Variants in TNFRSF1B observed in about 807,000 individuals in gnomAD.
TNFRSF1B encodes TNF receptor superfamily member 1B, also known as tumor necrosis factor receptor superfamily member 1B.
TNFRSF1B carries 19 observed loss-of-function variants against 44.6 expected under a neutral mutation model. The ratio of observed to expected loss-of-function variants is 0.43; its 90% CI spans 0.30 to 0.62. The LOEUF (loss-of-function observed/expected upper bound fraction) is 0.62. TNFRSF1B is among the 20% of genes least tolerant of loss of function. The pLI is 0.16. For synonymous variants in TNFRSF1B, 252 were observed against 261.1 expected (o/e 0.97, Z 0.34); for missense variants, 541 against 619.9 (o/e 0.87, Z 1.35).
chr1:12,176,659 T>C (rs182894233), intron 1 of TNFRSF1B, among the ~76,000 whole-genome samples: 64 of 152,276 alleles, frequency 4.2e-4, no homozygotes, highest in African/African-American at 1.4e-3. Context: ...GTTGGGGCAG[T>C]GGGGAGCCAT....
chr1:12,195,794 A>C (rs1439315416), intron 8 of TNFRSF1B, among the ~76,000 whole-genome samples: 1 of 152,060 alleles, frequency 6.6e-6, no homozygotes, highest in Non-Finnish European at 1.5e-5. Flanking sequence ...TTTTTTACCC[A>C]ATTTGACAGA....
intron 8 of TNFRSF1B, among the ~76,000 whole-genome samples, chr1:12,195,201 C>T (rs181638344): frequency 1.3e-5 from 2 of 152,292 alleles, no homozygotes; most frequent in East Asian, 1.9e-4. Flanking sequence ...GTAGGGCCTG[C>T]GAAGGCTTTT....
At chr1:12,192,722 G>A in intron 5 of TNFRSF1B, 141 bp from the exon 6 acceptor site, 2 of 855,574 alleles carry the variant, frequency 2.3e-6, no homozygotes, top group South Asian at 3.3e-5. Context: ...GGGAGGTGGG[G>A]GAGGGCTAGG....
intron 1 of TNFRSF1B, among the ~76,000 whole-genome samples, chr1:12,183,826 C>CCTATCTATCTATCTATCTATCTAT (rs111395466): frequency 1.9e-4 from 24 of 124,452 alleles, no homozygotes; most frequent in African/African-American, 6.2e-4. Flanking sequence ...ATTCTATCTA[C>CCTATCTATCTATCTATCTATCTAT]CTATCTATCT....
At position 12,202,145 on chromosome 1, in the gene TNFRSF1B, AG is replaced by A; in HGVS notation, c.1081del (p.Ala361ProfsTer25). 6.4e-7 allele frequency: 1 copy of A among 1,553,842 alleles called. No homozygotes were observed. The highest frequency in any genetic ancestry group is 8.7e-7 in the Non-Finnish European group (1 of 1,149,732). On this transcript the variant is annotated frameshift_variant, in exon 9 of 10. Transcript: ENST00000376259. LOFTEE classifies it low-confidence loss of function (END_TRUNC). ...APGVEASGAGEARASTGSSDS... is the reference protein window; with the variant it reads ...APGVEASGAGXARASTGSSDS... ...GGCGTGGAGGCCAGTGGGGCCGGGG[AG>A]GCCCGGGCCAGCACCGGGAGCTCAG...
rs545565721 is a variant in TNFRSF1B, at chr1:12,169,617, G to T, written c.78+2448G>T. 5.3e-5 allele frequency among the ~76,000 whole-genome samples: 8 copies of T among 152,378 alleles called. No homozygotes were observed. Among genetic ancestry groups the T allele is most frequent in the African/African-American group, 1.9e-4 (8 of 41,586 alleles). ...GATGGAAGTCAACTGAGCTGCAGAA[G>T]AAGCCCCCAGGAGACCTGAGCTAGC... On this transcript the variant is annotated intron_variant, in intron 1 of 9. Transcript: ENST00000376259. The surrounding 1 kb of genome is among the most constrained non-coding windows in gnomAD (Gnocchi z 4.5).
intron 6 of TNFRSF1B, among the ~76,000 whole-genome samples, chr1:12,193,671 G>GAGCC (rs1363764818): frequency 6.6e-6 from 1 of 152,190 alleles, no homozygotes; most frequent in Non-Finnish European, 1.5e-5. Context: ...TGTTTCTGAT[G>GAGCC]AGCCCATTAG....
chr1:12,207,038 G>A lies in TNFRSF1B; in HGVS notation c.*18G>A. 6.4e-7 allele frequency: 1 copy of A among 1,554,226 alleles called. No individual in the cohort carries two copies. Among genetic ancestry groups the A allele is most frequent in the South Asian group, 1.2e-5 (1 of 83,340 alleles). On this transcript the variant is annotated 3_prime_UTR_variant, in exon 10 of 10. Coordinates refer to ENST00000376259, the MANE Select transcript of TNFRSF1B (RefSeq NM_001066.3). The stretch of plus-strand genomic sequence containing the variant: ...CCAGTTAACCAGGCCGGTGTGGGCT[G>A]TGTCGTAGCCAAGGTGGGCTGAGCC...
At chr1:12,198,038 C>G (rs916037194) in intron 8 of TNFRSF1B, among the ~76,000 whole-genome samples, 1 of 149,652 alleles carries the variant, frequency 6.7e-6, no homozygotes, top group African/African-American at 2.5e-5. Flanking sequence ...GGCAGAATAG[C>G]GTGAACCCGG....
In TNFRSF1B at chr1:12,191,800, C is replaced by G; in HGVS notation, c.334C>G (p.Arg112Gly). 6.2e-7 allele frequency: 1 copy of G among 1,613,538 alleles called. No individual in the cohort carries two copies. The highest frequency in any genetic ancestry group is 8.5e-7 in the Non-Finnish European group (1 of 1,179,800). ...CCAGGTGGAAACTCAAGCCTGCACTCGGGAACAGAACCGCATCTGCACCTG... is the reference window on the plus strand; with the variant it reads ...CCAGGTGGAAACTCAAGCCTGCACTGGGGAACAGAACCGCATCTGCACCTG... The part of the protein sequence containing the change: ...SDQVETQACT[R>G]EQNRICTCRP... Residue 112 changes from arginine (R) to glycine (G), a missense_variant, in exon 4 of 10, where the codon CGG (arginine) becomes GGG (glycine). Physicochemically the swap from Arg to Gly is moderately radical, Grantham distance 125 (BLOSUM62 -2). Transcript: ENST00000376259.
intron 8 of TNFRSF1B, among the ~76,000 whole-genome samples, chr1:12,195,625 C>T (rs1440435579): frequency 2.0e-5 from 3 of 152,142 alleles, no homozygotes; most frequent in Non-Finnish European, 4.4e-5. Flanking sequence ...CAGACAGTGT[C>T]ACATGACCAC....
intron 1 of TNFRSF1B, among the ~76,000 whole-genome samples, chr1:12,172,901 T>C (rs762629186): frequency 2.6e-5 from 4 of 152,220 alleles, no homozygotes; most frequent in Non-Finnish European, 5.9e-5. Context: ...GTTTGCAAGA[T>C]GGGCACGGGA....
rs1557620028 is a variant in TNFRSF1B at position 12,167,064 on chromosome 1, AG to A, written c.-23del. 4.7e-6 allele frequency: 6 copies of A among 1,281,534 alleles called. No homozygotes were observed. Among genetic ancestry groups the A allele is most frequent in the South Asian group, 2.3e-5 (1 of 43,550 alleles). The allele number at this position is 1,281,534 out of a possible 1,614,324, so 79.4% of individuals were successfully genotyped here. On this transcript the variant is annotated 5_prime_UTR_variant, in exon 1 of 10. Transcript: ENST00000376259. Reference sequence around the variant, plus strand: ...TGCGAGGGCGCGAGGGCGCGAGGGCAGGGGGCAACCGGACCCCGCCCGCACC... The same window carrying A: ...TGCGAGGGCGCGAGGGCGCGAGGGCAGGGGCAACCGGACCCCGCCCGCACC...
chr1:12,204,286 C>T (rs1639454090), intron 9 of TNFRSF1B, among the ~76,000 whole-genome samples: 1 of 152,200 alleles, frequency 6.6e-6, no homozygotes, highest in Non-Finnish European at 1.5e-5. Context: ...CGCAATGTCT[C>T]ATGCTCGATA....
intron 9 of TNFRSF1B, among the ~76,000 whole-genome samples, chr1:12,206,147 C>A (rs773528465): frequency 2.0e-5 from 3 of 151,996 alleles, no homozygotes; most frequent in East Asian, 1.9e-4. Flanking sequence ...CAGCGCTTTG[C>A]GAGGCTGAGG....
chr1:12,207,142 A>G lies in TNFRSF1B; in HGVS notation c.*122A>G, dbSNP rs1000919433. On this transcript the variant is annotated 3_prime_UTR_variant, in exon 10 of 10. Transcript: ENST00000376259. ...GGACTCTGAGGCTCTTTCTGGGCCA[A>G]GTTCCTCTAGTGCCCTCCACAGCCG... The G allele has an allele frequency of 2.9e-5, 31 of 1,079,958 alleles. No homozygotes were observed. The highest frequency in any genetic ancestry group is 3.8e-5 in the Non-Finnish European group (30 of 787,430). The allele number at this position is 1,079,958 out of a possible 1,614,324, so 66.9% of individuals were successfully genotyped here. A position where few individuals can be genotyped will look rare whatever the true frequency, so the allele number is the denominator to read the frequency against.
At chr1:12,203,429 C>T (rs533898232) in intron 9 of TNFRSF1B, among the ~76,000 whole-genome samples, 20 of 152,166 alleles carry the variant, frequency 1.3e-4, no homozygotes, top group East Asian at 7.7e-4. Flanking sequence ...CAGCTCACTG[C>T]GCCCCTGCCT....
intron 8 of TNFRSF1B, among the ~76,000 whole-genome samples, chr1:12,196,649 AGT>A (rs1341058642): frequency 5.3e-5 from 8 of 152,352 alleles, no homozygotes; most frequent in Admixed American, 2.6e-4. Context: ...GTCGCACCGC[AGT>A]GTGTCTCTGG....
In TNFRSF1B at chr1:12,203,342, C is replaced by T. The variant is rs187523231; in HGVS notation, c.1105+1171C>T. On this transcript the variant is annotated intron_variant, in intron 9 of 9. Transcript: ENST00000376259. Reference sequence around the variant, plus strand: ...GACCAGGGCCAGGCTCCCTCTGGGCCGCCTCCAGGTGGGGACTGATGGCTG... The same window carrying T: ...GACCAGGGCCAGGCTCCCTCTGGGCTGCCTCCAGGTGGGGACTGATGGCTG... Among the ~76,000 whole-genome samples the T allele has an allele frequency of 1.1e-4, 17 of 152,278 alleles. No individual in the cohort carries two copies. In the East Asian group the frequency reaches 1.2e-3, roughly 10 times the overall value.
Sources: gnomAD v4.1 joint callset for allele counts (sites outside exome capture counted in the v4.1 genomes callset) on GRCh38, gnomAD v4.1.1 for gene constraint, Gnocchi (gnomAD v3.1) non-coding constraint, MANE v1.5 for transcripts, NCBI Gene and HGNC (gene_info 2026-07-23, HGNC 2026-07-21) for gene names.